The following LNX1 variants were observed in gnomAD, a reference collection of about 807,000 sequenced individuals.
LNX1 encodes the protein E3 ubiquitin-protein ligase LNX.
In LNX1, 54 loss-of-function variants were observed where a neutral mutation model predicts 68.4. The ratio of observed to expected loss-of-function variants is 0.79; its 90% CI spans 0.63 to 0.99. The LOEUF (loss-of-function observed/expected upper bound fraction) is 0.99, where lower values mean the gene tolerates loss of function less well. Among genes scored for constraint, LNX1 ranks in the 50% least tolerant of loss-of-function variants. LNX1 has a pLI of 0.00. For missense variants in LNX1, 906 were observed against 926.4 expected (o/e 0.98, Z 0.29); for synonymous variants, 336 against 350.0 (o/e 0.96, Z 0.45).
chr4:53,528,362 C>T (rs1248504701), intron 2 of LNX1, among the ~76,000 whole-genome samples: 1 of 152,210 alleles, frequency 6.6e-6, no homozygotes, highest in Admixed American at 6.5e-5. Context: ...TAGCCATATG[C>T]TATGTCACAA....
At chr4:53,643,348 C>G (rs1734760901) in intron 1 of LNX1, among the ~76,000 whole-genome samples, 1 of 152,068 alleles carries the variant, frequency 6.6e-6, no homozygotes, top group South Asian at 2.1e-4. Context: ...CAGGGTCTCC[C>G]TCTGTTGCCC....
At chr4:53,466,551 C>T (rs76693459) in intron 9 of LNX1, among the ~76,000 whole-genome samples, 14,593 of 152,164 alleles carry the variant, frequency 0.096, 1,232 homozygotes, top group South Asian at 0.28. Context: ...TCGCCTCACC[C>T]GGGAAGCACA....
intron 2 of LNX1, among the ~76,000 whole-genome samples, chr4:53,569,195 C>T (rs1187316688): frequency 6.6e-6 from 1 of 151,816 alleles, no homozygotes; most frequent in South Asian, 2.1e-4. Context: ...AAAAGAGCCC[C>T]CATTGCCAAG....
At chr4:53,486,598 C>T (rs1183871520) in intron 6 of LNX1, among the ~76,000 whole-genome samples, 1 of 152,014 alleles carries the variant, frequency 6.6e-6, no homozygotes. Flanking sequence ...GATGGGAGTG[C>T]CATGAAAGAG....
At chr4:53,535,702 A>T (rs1278400311) in intron 2 of LNX1, among the ~76,000 whole-genome samples, 1 of 152,228 alleles carries the variant, frequency 6.6e-6, no homozygotes, top group African/African-American at 2.4e-5. Flanking sequence ...TTGGCTCTAT[A>T]GCCAGCGCCT....
chr4:53,493,809 T>C (rs1366864856), intron 6 of LNX1, among the ~76,000 whole-genome samples: 1 of 152,216 alleles, frequency 6.6e-6, no homozygotes, highest in Non-Finnish European at 1.5e-5. Flanking sequence ...TTGAGAATGC[T>C]TCTTAAGGCC....
chr4:53,463,258 A>C (rs1447054463), intron 9 of LNX1, among the ~76,000 whole-genome samples: 1 of 152,112 alleles, frequency 6.6e-6, no homozygotes, highest in African/African-American at 2.4e-5. Flanking sequence ...AGAGAACATA[A>C]CTGCTTTGAT....
upstream of LNX1, chr4:53,593,732 G>C (rs1380432406): frequency 6.6e-6 from 1 of 151,704 alleles, no homozygotes; most frequent in Non-Finnish European, 1.5e-5. Context: ...TAAACTACTA[G>C]AAAAAAATGT....
intron 2 of LNX1, among the ~76,000 whole-genome samples, chr4:53,607,186 A>G (rs1251405017): frequency 6.6e-6 from 1 of 152,232 alleles, no homozygotes; most frequent in East Asian, 1.9e-4. Flanking sequence ...CTGTTTGCAG[A>G]TGATATGATT....
intron 2 of LNX1, among the ~76,000 whole-genome samples, chr4:53,525,330 A>T (rs1209028011): frequency 6.6e-6 from 1 of 152,144 alleles, no homozygotes; most frequent in Non-Finnish European, 1.5e-5. Context: ...GAAAATACAG[A>T]AGTTAGCTGA....
At chr4:53,559,609 A>G (rs758222945) in intron 2 of LNX1, among the ~76,000 whole-genome samples, 2 of 152,178 alleles carry the variant, frequency 1.3e-5, no homozygotes. Context: ...AATGCCCATA[A>G]ACAACAAAGG....
At chr4:53,523,919 T>G (rs1462129755) in intron 2 of LNX1, among the ~76,000 whole-genome samples, 1 of 152,202 alleles carries the variant, frequency 6.6e-6, no homozygotes, top group Non-Finnish European at 1.5e-5. Context: ...AATAAGTTGA[T>G]TAGGATACTG....
chr4:53,574,693 C>T (rs1048972581), intron 1 of LNX1, among the ~76,000 whole-genome samples: 55 of 152,202 alleles, frequency 3.6e-4, no homozygotes, highest in African/African-American at 1.2e-3. Context: ...GGGTTCAAAT[C>T]CCACCACTAT....
At chr4:53,528,980 C>T (rs1727824676) in intron 2 of LNX1, among the ~76,000 whole-genome samples, 1 of 152,028 alleles carries the variant, frequency 6.6e-6, no homozygotes, top group South Asian at 2.1e-4. Flanking sequence ...AGCAGAATAG[C>T]CCAATACAGA....
intron 2 of LNX1, among the ~76,000 whole-genome samples, chr4:53,568,293 C>T (rs200552235): frequency 0.24 from 35,503 of 150,986 alleles, 5,092 homozygotes; most frequent in Non-Finnish European, 0.32. Context: ...AAAAGCTTAT[C>T]CACCATGATC....
rs2150521518 is a variant in LNX1 at position 53,459,390 on chromosome 4, G to A, written c.*1517C>T. 6.2e-7 allele frequency: 1 copy of A among 1,608,114 alleles called. No individual in the cohort carries two copies. Among genetic ancestry groups the A allele is most frequent in the African/African-American group, 1.4e-5 (1 of 73,130 alleles). ...ATCTAAAAGAAGCAAAGAAGGAAAA[G>A]AAGCGGGCAGTGAGCCTGCCCCTGA... On this transcript the variant is annotated 3_prime_UTR_variant, in exon 11 of 11. Transcript: ENST00000263925.
At chr4:53,533,738 C>G (rs184916508) in intron 2 of LNX1, among the ~76,000 whole-genome samples, 1 of 152,290 alleles carries the variant, frequency 6.6e-6, no homozygotes, top group African/African-American at 2.4e-5. Flanking sequence ...GGAGGGTGCT[C>G]CTGGCATGTA....
intron 1 of LNX1, among the ~76,000 whole-genome samples, chr4:53,644,499 G>A (rs1422667584): frequency 2.6e-5 from 4 of 152,284 alleles, no homozygotes; most frequent in East Asian, 3.9e-4. Context: ...ATATATTGAA[G>A]TATTTATGTA....
chr4:53,641,551 G>C (rs1734682225), intron 1 of LNX1, among the ~76,000 whole-genome samples: 1 of 152,188 alleles, frequency 6.6e-6, no homozygotes, highest in Non-Finnish European at 1.5e-5. Flanking sequence ...ACAATACCCA[G>C]GGGTTCAACC....
Sources: allele counts gnomAD v4.1 joint callset (sites outside exome capture counted in the v4.1 genomes callset), GRCh38; gene constraint gnomAD v4.1.1; transcripts MANE v1.5; gene names NCBI Gene and HGNC (gene_info 2026-07-23, HGNC 2026-07-21).